KALRN: variants seen among roughly 807,000 people sequenced by gnomAD.
KALRN encodes the protein kalirin.
In KALRN, 70 loss-of-function variants were observed where a neutral mutation model predicts 353.7. The observed-to-expected ratio is 0.20, with a 90% CI of 0.16 to 0.24. The LOEUF (loss-of-function observed/expected upper bound fraction) is 0.24, where lower values mean the gene tolerates loss of function less well. Among genes scored for constraint, KALRN ranks in the 10% least tolerant of loss-of-function variants. The probability of loss-of-function intolerance (pLI) is 1.00; values close to 1 mark genes in which losing one functional copy is unlikely to be tolerated. For synonymous variants in KALRN, 1,391 were observed against 1,434.8 expected (o/e 0.97, Z 0.69); for missense variants, 2,791 against 3,756.7 (o/e 0.74, Z 6.72).
At chr3:124,538,136 A>C (rs1357089510) in intron 33 of KALRN, among the ~76,000 whole-genome samples, 1 of 152,196 alleles carries the variant, frequency 6.6e-6, no homozygotes, top group Non-Finnish European at 1.5e-5. Context: ...ATGAGGCAAA[A>C]ACGTATGTAC....
intron 33 of KALRN, among the ~76,000 whole-genome samples, chr3:124,525,789 G>A (rs2067538514): frequency 6.6e-6 from 1 of 152,070 alleles, no homozygotes; most frequent in South Asian, 2.1e-4. Context: ...GGTATTTCTG[G>A]GACTATTCAA....
chr3:124,217,663 A>T (rs555395485), intron 1 of KALRN, among the ~76,000 whole-genome samples: 1 of 152,204 alleles, frequency 6.6e-6, no homozygotes, highest in South Asian at 2.1e-4. Flanking sequence ...TGGTTGGCAT[A>T]TCCTAAGACA....
chr3:124,107,893 G>T (rs772800895), intron 1 of KALRN, among the ~76,000 whole-genome samples: 16 of 152,206 alleles, frequency 1.1e-4, no homozygotes, highest in Non-Finnish European at 4.4e-5. Flanking sequence ...AGCTCCTTCT[G>T]TGTTTGGACA....
intron 37 of KALRN, among the ~76,000 whole-genome samples, chr3:124,646,358 C>G (rs1319655882): frequency 6.8e-6 from 1 of 146,994 alleles, no homozygotes; most frequent in Non-Finnish European, 1.5e-5. Flanking sequence ...TCCGACATCT[C>G]TCTATGTGAC....
chr3:124,096,227 A>T (rs1355497957), intron 1 of KALRN: 1 of 152,176 alleles, frequency 6.6e-6, no homozygotes, highest in African/African-American at 2.4e-5. Flanking sequence ...TTCATTCGTA[A>T]AAAGGGGTGA....
chr3:124,240,418 G>A (rs773725676), intron 3 of KALRN, among the ~76,000 whole-genome samples: 1 of 152,188 alleles, frequency 6.6e-6, no homozygotes, highest in Non-Finnish European at 1.5e-5. Flanking sequence ...AAACCAGCAA[G>A]GTTTGGATCC....
chr3:124,679,380 C>A, intron 50 of KALRN, 78 bp from the exon 51 acceptor site: 1 of 1,277,840 alleles, frequency 7.8e-7, no homozygotes, highest in Non-Finnish European at 1.1e-6. Flanking sequence ...CTCTGAAGTT[C>A]TCCTCTCTCT....
intron 10 of KALRN, among the ~76,000 whole-genome samples, chr3:124,350,520 T>A (rs1006971167): frequency 2.0e-5 from 3 of 152,204 alleles, no homozygotes; most frequent in African/African-American, 7.2e-5. Flanking sequence ...GTCATGTTCT[T>A]ATCCTAATTC....
chr3:124,243,278 AG>A (rs1364419379), intron 3 of KALRN, among the ~76,000 whole-genome samples: 1 of 152,194 alleles, frequency 6.6e-6, no homozygotes, highest in Non-Finnish European at 1.5e-5. Context: ...AAGGGACTAC[AG>A]GGGCTCATGG....
Position 124,699,946 on chromosome 3 carries a change from CCTT to C in KALRN, c.7910_7912del (p.Pro2637_Tyr2638delinsHis), listed in dbSNP as rs777258132. 1 of 1,614,172 alleles carries C rather than the reference CCTT, an allele frequency of 6.2e-7. No homozygotes were observed. Among genetic ancestry groups the C allele is most frequent in the Non-Finnish European group, 8.5e-7 (1 of 1,180,012 alleles). ...CATCGAAGACCTTAGTCCCGGGTGT[CCTT>C]ATCAGTTCAGAGTCAGTGCCAGTAA... On this transcript the variant is annotated inframe_deletion, in exon 56 of 60. Transcript: ENST00000682506.
chr3:124,629,144 G>A (rs766772218), intron 34 of KALRN, among the ~76,000 whole-genome samples: 19 of 152,112 alleles, frequency 1.2e-4, no homozygotes, highest in Non-Finnish European at 2.1e-4. Context: ...GGTAGAGCTG[G>A]TCAGGTATTC....
chr3:124,612,626 C>T (rs1405164037), intron 34 of KALRN, among the ~76,000 whole-genome samples: 1 of 152,238 alleles, frequency 6.6e-6, no homozygotes. Flanking sequence ...TGTGAGCCGT[C>T]GAGCCCAGCC....
At chr3:124,342,520 A>G (rs1581160524) in intron 9 of KALRN, among the ~76,000 whole-genome samples, 1 of 152,198 alleles carries the variant, frequency 6.6e-6, no homozygotes, top group African/African-American at 2.4e-5. Context: ...ATAGTATTCC[A>G]TTGTTGATAT....
chr3:124,673,883 A>C (rs1310349493), intron 48 of KALRN, among the ~76,000 whole-genome samples: 2 of 152,176 alleles, frequency 1.3e-5, no homozygotes, highest in African/African-American at 2.4e-5. Context: ...TGTCTCAAAG[A>C]GGGTCAGAAT....
In KALRN at chr3:124,227,778, G is replaced by GAAC. The variant is rs747379834; in HGVS notation, c.74-212_74-211insAAC. Among the ~76,000 whole-genome samples, 23 of 142,970 alleles carry GAAC rather than the reference G, an allele frequency of 1.6e-4. No homozygotes were observed. In the East Asian group the frequency reaches 4.3e-3, roughly 27 times the overall value. 93.8% of individuals were successfully genotyped at this position (142,970 alleles called of 152,430 possible). A position where few individuals can be genotyped will look rare whatever the true frequency, so the allele number is the denominator to read the frequency against. On this transcript the variant is annotated intron_variant, in intron 1 of 59. Transcript: ENST00000682506. The stretch of plus-strand genomic sequence containing the variant: ...TGTCCTCTCCTTGAGAAGGACTAGG[G>GAAC]GGTTGCAGCCCTGATCACCCCTATG...
chr3:124,086,955 A>G (rs539983392), intron 1 of KALRN, among the ~76,000 whole-genome samples: 14 of 152,350 alleles, frequency 9.2e-5, no homozygotes, highest in African/African-American at 2.6e-4. Flanking sequence ...TATGTCTTGA[A>G]GATCTTTTCA....
intron 3 of KALRN, among the ~76,000 whole-genome samples, chr3:124,239,597 T>C (rs559439674): frequency 3.9e-5 from 6 of 152,348 alleles, no homozygotes; most frequent in African/African-American, 1.2e-4. Flanking sequence ...TGTGGCCTAT[T>C]ATTTGATAAC....
intron 33 of KALRN, among the ~76,000 whole-genome samples, chr3:124,513,463 C>T (rs983185174): frequency 6.6e-5 from 10 of 152,090 alleles, no homozygotes; most frequent in South Asian, 2.1e-4. Flanking sequence ...CTAGGGAAAG[C>T]GTTTGCCACT....
chr3:124,267,434 A>G (rs2073692943), intron 4 of KALRN, among the ~76,000 whole-genome samples: 1 of 152,220 alleles, frequency 6.6e-6, no homozygotes, highest in African/African-American at 2.4e-5. Flanking sequence ...CTATGCTTTG[A>G]GTAGCAAGGA....
Sources: gnomAD v4.1 joint callset for allele counts (sites outside exome capture counted in the v4.1 genomes callset) on GRCh38, gnomAD v4.1.1 for gene constraint, MANE v1.5 for transcripts, NCBI Gene and HGNC (gene_info 2026-07-23, HGNC 2026-07-21) for gene names.